The following SIPA1L2 variants were observed in gnomAD, a reference collection of about 807,000 sequenced individuals.
The protein encoded by SIPA1L2 is signal-induced proliferation-associated 1-like protein 2.
In SIPA1L2, 56 loss-of-function variants were observed where a neutral mutation model predicts 163.9. The observed-to-expected ratio is 0.34, with a 90% CI of 0.28 to 0.43. The LOEUF (loss-of-function observed/expected upper bound fraction) is 0.43. Ranked by LOEUF, SIPA1L2 falls within the 20% of genes least tolerant of loss-of-function variation. The pLI, the probability that SIPA1L2 is intolerant of heterozygous loss-of-function variation, is 1.00. For missense variants in SIPA1L2, 1,974 were observed against 2,193.5 expected (o/e 0.90, Z 2.00); for synonymous variants, 877 against 865.7 (o/e 1.01, Z -0.23).
At chr1:232,574,992 A>C (rs1457118501) in intron 1 of SIPA1L2, among the ~76,000 whole-genome samples, 1 of 152,210 alleles carries the variant, frequency 6.6e-6, no homozygotes, top group Non-Finnish European at 1.5e-5. Flanking sequence ...GCGAATCAGC[A>C]AGCGCAGGAT....
At chr1:232,505,450 T>C (rs1032574944) in intron 3 of SIPA1L2, among the ~76,000 whole-genome samples, 4 of 152,336 alleles carry the variant, frequency 2.6e-5, no homozygotes, top group South Asian at 4.1e-4. Flanking sequence ...AAATATTAAG[T>C]CTTATTCCTT....
chr1:232,412,130 T>C (rs1426084038), intron 19 of SIPA1L2, among the ~76,000 whole-genome samples: 7 of 152,208 alleles, frequency 4.6e-5, no homozygotes, highest in Non-Finnish European at 1.5e-5. Flanking sequence ...TATAGTGGTA[T>C]AGTAAAATCT....
intron 9 of SIPA1L2, among the ~76,000 whole-genome samples, chr1:232,464,074 G>A (rs1664385446): frequency 6.6e-6 from 1 of 151,914 alleles, no homozygotes; most frequent in Admixed American, 6.6e-5. Flanking sequence ...CCTCTTGGGG[G>A]AAGATTTACA....
In SIPA1L2 at chr1:232,490,921, T is replaced by G. The variant is rs749541672; in HGVS notation, c.1759A>C (p.Asn587His). The change falls in exon 5 of 23, where the codon AAC (asparagine) becomes CAC (histidine). Residue 587 changes from asparagine to histidine, a missense_variant. Physicochemically the swap from Asn to His is moderately conservative, Grantham distance 68. Coordinates refer to ENST00000674635, the MANE Select transcript of SIPA1L2 (RefSeq NM_020808.5). ...AGCTGCTCTGAGACCTTGGGTGAGT[T>G]GGAAGCCTGTCGCAAACACTGAATG... ...LSIQCLRQAS[N>H]SPKVSEQLLK... 6.2e-7 allele frequency: 1 copy of G among 1,614,172 alleles called. No individual in the cohort carries two copies. The highest frequency in any genetic ancestry group is 1.1e-5 in the South Asian group (1 of 91,086).
In SIPA1L2 at chr1:232,441,460, C is replaced by T. The variant is rs1662889090; in HGVS notation, c.3539-66G>A. 1.4e-5 allele frequency: 19 copies of T among 1,317,020 alleles called. No homozygotes were observed. In the South Asian group the frequency reaches 2.4e-4, roughly 17 times the overall value. The allele number at this position is 1,317,020 out of a possible 1,614,324, so 81.6% of individuals were successfully genotyped here. A position where few individuals can be genotyped will look rare whatever the true frequency, so the allele number is the denominator to read the frequency against. On this transcript the variant is annotated intron_variant, in intron 13 of 22. Transcript: ENST00000674635. ...GTATTACCAAAAGAGTAAAGAAAAC[C>T]AGGAGTCAGACAAGTGGTTTGGTAA...
chr1:232,532,364 C>T (rs535965135), intron 2 of SIPA1L2, among the ~76,000 whole-genome samples: 8 of 152,090 alleles, frequency 5.3e-5, no homozygotes, highest in African/African-American at 1.2e-4. Flanking sequence ...GTAGCAGTTA[C>T]GGTTAAATAG....
chr1:232,540,453 C>T (rs1039490630), intron 2 of SIPA1L2, among the ~76,000 whole-genome samples: 8 of 152,158 alleles, frequency 5.3e-5, no homozygotes, highest in African/African-American at 1.2e-4. Context: ...TCATTGGTTT[C>T]GATTCTCCAA....
chr1:232,606,680 CTAA>C (rs560967798), intron 1 of SIPA1L2, among the ~76,000 whole-genome samples: 52 of 149,628 alleles, frequency 3.5e-4, no homozygotes, highest in African/African-American at 1.2e-3. Flanking sequence ...GATCCTGAAA[CTAA>C]TTTCAATGCC....
chr1:232,526,778 C>G (rs1474696519), intron 2 of SIPA1L2, among the ~76,000 whole-genome samples: 2 of 152,192 alleles, frequency 1.3e-5, no homozygotes, highest in Non-Finnish European at 2.9e-5. Context: ...ACTGTGCCCC[C>G]CTGACCGGTA....
chr1:232,464,779 T>G, intron 9 of SIPA1L2, 61 bp downstream of exon 9: 1 of 1,374,026 alleles, frequency 7.3e-7, no homozygotes, highest in Non-Finnish European at 9.9e-7. Flanking sequence ...CCAGTGAAAG[T>G]TATTTTGAAT....
chr1:232,400,005 G>A (rs1660239034), intron 22 of SIPA1L2, among the ~76,000 whole-genome samples: 1 of 152,106 alleles, frequency 6.6e-6, no homozygotes, highest in African/African-American at 2.4e-5. Context: ...TGAGGTGAGT[G>A]GACGCCCCCA....
At chr1:232,436,270 C>T (rs537563473) in intron 15 of SIPA1L2, among the ~76,000 whole-genome samples, 8 of 152,310 alleles carry the variant, frequency 5.3e-5, no homozygotes, top group African/African-American at 1.7e-4. Flanking sequence ...AGATAGGCCA[C>T]GACCCTATCA....
rs1351933576 is a variant in SIPA1L2 at position 232,441,881 on chromosome 1, C to G, written c.3438-13G>C. The G allele has an allele frequency of 6.2e-7, 1 of 1,604,606 alleles. No homozygotes were observed. Among genetic ancestry groups the G allele is most frequent in the Non-Finnish European group, 8.5e-7 (1 of 1,174,140 alleles). On this transcript the variant is annotated splice_polypyrimidine_tract_variant and intron_variant, in intron 12 of 22. Coordinates refer to ENST00000674635, the MANE Select transcript of SIPA1L2 (RefSeq NM_020808.5). ...AGGGGACTGGCACCTGAAAAGAACA[C>G]AGAGTTGAGCCTGTCCTTTCTCAAC...
At chr1:232,418,835 C>T (rs189614014) in intron 18 of SIPA1L2, among the ~76,000 whole-genome samples, 5 of 152,264 alleles carry the variant, frequency 3.3e-5, no homozygotes, top group Admixed American at 3.3e-4. Flanking sequence ...AGAAGGTTAG[C>T]ACAGATGAGA....
chr1:232,402,476 AG>A lies in SIPA1L2; in HGVS notation c.4941-4del. On this transcript the variant is annotated splice_region_variant and splice_polypyrimidine_tract_variant and intron_variant, in intron 21 of 22. Coordinates refer to ENST00000674635, the MANE Select transcript of SIPA1L2 (RefSeq NM_020808.5). Reference sequence around the variant, plus strand: ...TCAGTGGTGATGGAGAACGCTCCCTAGCAAATAAGGATAGAATTAGAAAGAT... The same window carrying A: ...TCAGTGGTGATGGAGAACGCTCCCTACAAATAAGGATAGAATTAGAAAGAT... 6.2e-7 allele frequency: 1 copy of A among 1,611,962 alleles called. No homozygotes were observed. The highest frequency in any genetic ancestry group is 8.5e-7 in the Non-Finnish European group (1 of 1,178,810).
chr1:232,598,620 C>A (rs1661412951), intron 1 of SIPA1L2, among the ~76,000 whole-genome samples: 1 of 152,252 alleles, frequency 6.6e-6, no homozygotes, highest in Non-Finnish European at 1.5e-5. Context: ...AAGATCAGGG[C>A]ACTAGCACAT....
intron 6 of SIPA1L2, among the ~76,000 whole-genome samples, chr1:232,480,907 T>C (rs1665317347): frequency 6.6e-6 from 1 of 152,210 alleles, no homozygotes; most frequent in Non-Finnish European, 1.5e-5. Flanking sequence ...CTGTAGTATG[T>C]CTTTCTAATA....
At chr1:232,428,293 G>T (rs1465613458) in intron 17 of SIPA1L2, 118 bp downstream of exon 17, 7 of 821,610 alleles carry the variant, frequency 8.5e-6, no homozygotes, top group Non-Finnish European at 1.0e-5. Context: ...GTTGTTGGTA[G>T]GGTCATGAGA....
intron 1 of SIPA1L2, among the ~76,000 whole-genome samples, chr1:232,599,305 CGGT>C (rs1448329595): frequency 6.6e-5 from 10 of 152,310 alleles, no homozygotes; most frequent in Middle Eastern, 3.4e-3. Flanking sequence ...ATGAGTCTGA[CGGT>C]GGAGCCTAAA....
Sources: gnomAD v4.1 joint callset for allele counts (sites outside exome capture counted in the v4.1 genomes callset) on GRCh38, gnomAD v4.1.1 for gene constraint, MANE v1.5 for transcripts, NCBI Gene and HGNC (gene_info 2026-07-23, HGNC 2026-07-21) for gene names.